Variants in AGBL1 observed in about 807,000 individuals in gnomAD.
The protein encoded by AGBL1 is cytosolic carboxypeptidase 4.
In AGBL1, 130 loss-of-function variants were observed where a neutral mutation model predicts 118.9. That is an observed-to-expected ratio of 1.09 (90% CI 0.95 to 1.26). AGBL1 has a LOEUF of 1.26. Ranked by LOEUF, AGBL1 falls within the 50% of genes most tolerant of loss-of-function variation. The probability of loss-of-function intolerance (pLI) is 0.00; values close to 1 mark genes in which losing one functional copy is unlikely to be tolerated. For synonymous variants in AGBL1, 555 were observed against 478.9 expected, an observed-to-expected ratio of 1.16 and a Z score of -2.08; for missense variants, 1,584 against 1,298.1, an observed-to-expected ratio of 1.22 and a Z score of -3.38.
chr15:86,512,110 G>A (rs1355249236), intron 18 of AGBL1, among the ~76,000 whole-genome samples: 1 of 151,886 alleles, frequency 6.6e-6, no homozygotes, highest in Non-Finnish European at 1.5e-5. Flanking sequence ...TTCAGGCTCT[G>A]GGGACACAGA....
intron 18 of AGBL1, among the ~76,000 whole-genome samples, chr15:86,469,860 G>A (rs1202985333): frequency 1.3e-5 from 2 of 151,892 alleles, no homozygotes; most frequent in African/African-American, 4.8e-5. Flanking sequence ...CTATCTGTTG[G>A]CCATTTGTAT....
chr15:86,481,128 GAGC>G (rs1246786359), intron 18 of AGBL1, among the ~76,000 whole-genome samples: 33 of 72,818 alleles, frequency 4.5e-4, no homozygotes, highest in Non-Finnish European at 7.6e-4. Context: ...AGGACAATGA[GAGC>G]AAAAAAAAAA....
chr15:86,256,891 T>C lies in AGBL1; in HGVS notation c.774T>C (p.Ser258=). 6.2e-7 allele frequency: 1 copy of C among 1,613,932 alleles called. No homozygotes were observed. The highest frequency in any genetic ancestry group is 1.1e-5 in the South Asian group (1 of 91,058). Residue 258 remains serine, a synonymous_variant, in exon 8 of 23, where the codon TCT becomes TCC. Transcript: ENST00000614907. ...LDDKSMEPVI[S]VVLQILRQCY... is the part of the protein sequence containing the mutation. ...ACAAGAGCATGGAGCCCGTCATCTCTGTGGTGCTTCAGATCCTGAGGCAGT... is the reference window on the plus strand; with the variant it reads ...ACAAGAGCATGGAGCCCGTCATCTCCGTGGTGCTTCAGATCCTGAGGCAGT...
At chr15:86,688,401 T>C (rs921180138) in intron 22 of AGBL1, among the ~76,000 whole-genome samples, 9 of 152,118 alleles carry the variant, frequency 5.9e-5, no homozygotes, top group African/African-American at 2.2e-4. Flanking sequence ...ACTGTCTGAA[T>C]TAAAATGCAA....
intron 17 of AGBL1, 102 bp downstream of exon 17, chr15:86,295,510 T>C (rs941053606): frequency 1.1e-5 from 14 of 1,241,136 alleles, no homozygotes; most frequent in Non-Finnish European, 1.5e-5. Context: ...CCATAAAGGG[T>C]TGGAGACTGT....
intron 22 of AGBL1, among the ~76,000 whole-genome samples, chr15:86,723,117 C>G (rs1423715903): frequency 6.6e-6 from 1 of 152,160 alleles, no homozygotes; most frequent in Non-Finnish European, 1.5e-5. Flanking sequence ...GGATCTAGAA[C>G]TAGAAATACC....
At chr15:87,014,943 G>C (rs1428724470) in intron 24 of AGBL1, among the ~76,000 whole-genome samples, 1 of 152,098 alleles carries the variant, frequency 6.6e-6, no homozygotes, top group Non-Finnish European at 1.5e-5. Flanking sequence ...CTCTAAGGGT[G>C]TTTTAAGAGA....
At chr15:86,545,066 C>A (rs1176824690) in intron 19 of AGBL1, among the ~76,000 whole-genome samples, 1 of 152,118 alleles carries the variant, frequency 6.6e-6, no homozygotes, top group Non-Finnish European at 1.5e-5. Flanking sequence ...GGACTTTGAG[C>A]AGATATGACG....
rs531911011 is a variant in AGBL1 at position 86,224,988 on chromosome 15, A to T, written c.526+37A>T. 4.2e-4 allele frequency: 666 copies of T among 1,595,274 alleles called. 2 individuals carry two copies. Among genetic ancestry groups the T allele is most frequent in the Non-Finnish European group, 5.6e-4 (653 of 1,170,684 alleles). ...TTTTGAAGGGTGGCTATTTCTCTCC[A>T]CTCTGGGTTTAATGAAAGATACTTT... is the stretch of plus-strand genomic sequence containing the variant. On this transcript the variant is annotated intron_variant, in intron 6 of 22. Coordinates refer to ENST00000614907, the MANE Select transcript of AGBL1 (RefSeq NM_001386094.1).
chr15:87,004,540 G>A (rs2081476921), intron 24 of AGBL1, among the ~76,000 whole-genome samples: 1 of 151,964 alleles, frequency 6.6e-6, no homozygotes, highest in Non-Finnish European at 1.5e-5. Flanking sequence ...CCATTTGCTT[G>A]GTAGATCTTC....
At chr15:86,120,482 C>T (rs1322415143) in intron 1 of AGBL1, among the ~76,000 whole-genome samples, 3 of 152,184 alleles carry the variant, frequency 2.0e-5, no homozygotes, top group Non-Finnish European at 2.9e-5. Flanking sequence ...CAAATCAATA[C>T]TGATTGTGAT....
chr15:86,459,595 G>T (rs2082304600), intron 18 of AGBL1, among the ~76,000 whole-genome samples: 1 of 152,010 alleles, frequency 6.6e-6, no homozygotes, highest in Non-Finnish European at 1.5e-5. Context: ...TTTAAGTCTT[G>T]ATTCTGTTAT....
At chr15:86,971,300 T>C (rs917598129) in intron 23 of AGBL1, among the ~76,000 whole-genome samples, 1 of 152,020 alleles carries the variant, frequency 6.6e-6, no homozygotes, top group African/African-American at 2.4e-5. Context: ...ATGCCCTTTT[T>C]TGAGTATGTT....
chr15:86,456,135 CTG>C (rs1481164334), intron 18 of AGBL1, among the ~76,000 whole-genome samples: 3 of 152,130 alleles, frequency 2.0e-5, no homozygotes, highest in African/African-American at 7.2e-5. Context: ...AGAATAGAAA[CTG>C]TTCCTCTAGA....
chr15:86,591,003 T>C (rs1293018384), intron 21 of AGBL1, among the ~76,000 whole-genome samples: 5 of 152,248 alleles, frequency 3.3e-5, no homozygotes, highest in African/African-American at 1.2e-4. Context: ...ACGTTATAGC[T>C]GTGTTTTCCT....
chr15:87,018,907 C>T (rs2081634199), intron 24 of AGBL1, among the ~76,000 whole-genome samples: 1 of 151,856 alleles, frequency 6.6e-6, no homozygotes, highest in Non-Finnish European at 1.5e-5. Flanking sequence ...AACACATAGT[C>T]TCAAAATAAA....
rs112290655 is a variant in AGBL1, at chr15:86,753,415, T to C, written c.3158+78979T>C. 3.9e-3 allele frequency among the ~76,000 whole-genome samples: 546 copies of C among 139,684 alleles called. 3 individuals carry two copies. The highest frequency in any genetic ancestry group is 7.6e-3 in the Middle Eastern group (2 of 262). 91.6% of individuals were successfully genotyped at this position (139,684 alleles called of 152,430 possible). ...TCTTTTTCTTTTTTTTTTTTTTTTT[T>C]GAGACAGAGTCTTACTCTGTCGCCC... On this transcript the variant is annotated intron_variant, in intron 22 of 22. Coordinates refer to ENST00000614907, the MANE Select transcript of AGBL1 (RefSeq NM_001386094.1).
At chr15:86,891,975 C>T (rs904533526) in intron 22 of AGBL1, among the ~76,000 whole-genome samples, 1 of 152,108 alleles carries the variant, frequency 6.6e-6, no homozygotes, top group African/African-American at 2.4e-5. Flanking sequence ...CATGTAAATG[C>T]TAAACTTTTA....
At chr15:86,833,489 T>C (rs991279415) in intron 22 of AGBL1, among the ~76,000 whole-genome samples, 3 of 152,152 alleles carry the variant, frequency 2.0e-5, no homozygotes, top group African/African-American at 7.2e-5. Flanking sequence ...ACTCTTCTCT[T>C]GTTGCTGCCA....
Sources: allele counts gnomAD v4.1 joint callset (sites outside exome capture counted in the v4.1 genomes callset), GRCh38; gene constraint gnomAD v4.1.1; transcripts MANE v1.5; gene names NCBI Gene and HGNC (gene_info 2026-07-23, HGNC 2026-07-21).